The following NRP1 variants were observed in gnomAD, a reference collection of about 807,000 sequenced individuals.
The protein encoded by NRP1 is neuropilin-1.
NRP1 carries 35 observed loss-of-function variants against 106.7 expected under a neutral mutation model. The observed-to-expected ratio is 0.33, with a 90% CI of 0.25 to 0.43. The LOEUF is 0.43. Among genes scored for constraint, NRP1 ranks in the 20% least tolerant of loss-of-function variants. The probability of loss-of-function intolerance (pLI) is 1.00; values close to 1 mark genes in which losing one functional copy is unlikely to be tolerated. For synonymous variants in NRP1, 437 were observed against 417.9 expected (o/e 1.05, Z -0.56); for missense variants, 1,024 against 1,170.4 (o/e 0.87, Z 1.83).
intron 2 of NRP1, among the ~76,000 whole-genome samples, chr10:33,328,016 G>A (rs1848013589): frequency 6.6e-6 from 1 of 151,988 alleles, no homozygotes; most frequent in Non-Finnish European, 1.5e-5. Context: ...TTCACAGAGA[G>A]CAAAGCCTCA....
chr10:33,241,978 G>T (rs973320471), intron 6 of NRP1, among the ~76,000 whole-genome samples: 5 of 152,090 alleles, frequency 3.3e-5, no homozygotes, highest in Non-Finnish European at 7.4e-5. Flanking sequence ...ACACTTTAAA[G>T]AAAGATAACT....
intron 8 of NRP1, 77 bp from the exon 9 acceptor site, chr10:33,213,794 T>C (rs1838527675): frequency 1.8e-6 from 2 of 1,097,616 alleles, no homozygotes; most frequent in African/African-American, 3.2e-5. Context: ...ATACAACATA[T>C]GGAATAAAGA....
intron 5 of NRP1, 35 bp downstream of exon 5, chr10:33,256,281 T>C: frequency 6.2e-7 from 1 of 1,606,218 alleles, no homozygotes; most frequent in Middle Eastern, 1.7e-4. Context: ...ATTGAGTATT[T>C]ACCACAGGGC....
At chr10:33,239,641 C>A (rs1286990942) in intron 6 of NRP1, among the ~76,000 whole-genome samples, 1 of 152,238 alleles carries the variant, frequency 6.6e-6, no homozygotes, top group African/African-American at 2.4e-5. Context: ...TAGGTCCACA[C>A]TGTGTGAAGT....
chr10:33,256,242 G>A, intron 5 of NRP1, 74 bp downstream of exon 5: 1 of 1,449,404 alleles, frequency 6.9e-7, no homozygotes, highest in South Asian at 1.2e-5. Flanking sequence ...AGTGCTTCAT[G>A]TGGCCGCAGG....
At chr10:33,309,950 CTT>C (rs35907466) in intron 2 of NRP1, among the ~76,000 whole-genome samples, 105 of 139,504 alleles carry the variant, frequency 7.5e-4, no homozygotes, top group East Asian at 4.3e-3. Context: ...CTGTATTTGC[CTT>C]TTTTTTTTTT....
chr10:33,200,697 G>C (rs1837230890), intron 11 of NRP1, among the ~76,000 whole-genome samples: 1 of 152,210 alleles, frequency 6.6e-6, no homozygotes, highest in Admixed American at 6.5e-5. Flanking sequence ...ATGCAAAATT[G>C]CTTGTGAGCA....
intron 5 of NRP1, among the ~76,000 whole-genome samples, chr10:33,255,669 C>A (rs1842149379): frequency 6.6e-6 from 1 of 152,176 alleles, no homozygotes; most frequent in African/African-American, 2.4e-5. Flanking sequence ...CAAGGCTGGG[C>A]TCCAACTCCT....
At chr10:33,220,356 A>G (rs997260572) in intron 8 of NRP1, among the ~76,000 whole-genome samples, 15 of 152,198 alleles carry the variant, frequency 9.9e-5, no homozygotes, top group South Asian at 2.1e-4. Context: ...CCCCAAATAC[A>G]TATATAACAT....
At chr10:33,311,519 T>C (rs1167146242) in intron 2 of NRP1, among the ~76,000 whole-genome samples, 1 of 152,204 alleles carries the variant, frequency 6.6e-6, no homozygotes, top group African/African-American at 2.4e-5. Flanking sequence ...CCTGTTTTGT[T>C]CACTGATCTA....
chr10:33,293,582 A>G (rs1845159126), intron 2 of NRP1, among the ~76,000 whole-genome samples: 2 of 152,232 alleles, frequency 1.3e-5, no homozygotes, highest in Non-Finnish European at 2.9e-5. Flanking sequence ...TCACACGACC[A>G]ACCGTCCACA....
At chr10:33,309,155 T>C (rs1161937635) in intron 2 of NRP1, among the ~76,000 whole-genome samples, 2 of 152,234 alleles carry the variant, frequency 1.3e-5, no homozygotes, top group African/African-American at 2.4e-5. Context: ...GCTGCCACTT[T>C]TTCCTCTTGC....
rs1480484289 is a variant in NRP1, at chr10:33,263,700, C to G, written c.604G>C (p.Gly202Arg). ...CGGTCGTAGCGACAGAACATCCCCCCTGGAGGATTTGAGTCAGGCTCCAGG... is the reference window on the plus strand; with the variant it reads ...CGGTCGTAGCGACAGAACATCCCCCGTGGAGGATTTGAGTCAGGCTCCAGG... ...FDLEPDSNPPGGMFCRYDRLE... is the reference protein window; with the variant it reads ...FDLEPDSNPPRGMFCRYDRLE... Residue 202 changes from glycine to arginine, a missense_variant, in exon 4 of 17, where the codon GGG (glycine) becomes CGG (arginine). Gly to Arg is a moderately radical substitution (Grantham distance 125). This residue lies in a region of NRP1 where 279 missense variants were observed against 327.4 expected (regional missense o/e 0.85). Transcript: ENST00000374867. 4.3e-6 allele frequency: 7 copies of G among 1,614,156 alleles called. No individual in the cohort carries two copies. The highest frequency in any genetic ancestry group is 5.9e-6 in the Non-Finnish European group (7 of 1,180,022).
At chr10:33,254,609 ACT>A (rs1266331993) in intron 5 of NRP1, among the ~76,000 whole-genome samples, 1 of 152,068 alleles carries the variant, frequency 6.6e-6, no homozygotes, top group Non-Finnish European at 1.5e-5. Context: ...TTGAAAAAAG[ACT>A]CTATGTCTAG....
intron 2 of NRP1, among the ~76,000 whole-genome samples, chr10:33,273,099 G>A (rs1843429872): frequency 8.3e-6 from 1 of 121,104 alleles, no homozygotes; most frequent in African/African-American, 3.1e-5. Context: ...GGTGAGTGGG[G>A]GGTGGGGGGT....
At chr10:33,254,557 A>G (rs1174218080) in intron 5 of NRP1, among the ~76,000 whole-genome samples, 1 of 152,232 alleles carries the variant, frequency 6.6e-6, no homozygotes, top group Non-Finnish European at 1.5e-5. Flanking sequence ...CATTTAAAAT[A>G]AAATTTTTGT....
chr10:33,203,493 G>GT (rs76558385), intron 10 of NRP1, among the ~76,000 whole-genome samples: 2 of 151,266 alleles, frequency 1.3e-5, no homozygotes, highest in South Asian at 2.1e-4. Flanking sequence ...GTGCAATAGT[G>GT]TTTTTTTAAA....
chr10:33,208,509 G>A (rs553243460), intron 9 of NRP1, among the ~76,000 whole-genome samples: 1 of 152,294 alleles, frequency 6.6e-6, no homozygotes, highest in South Asian at 2.1e-4. Flanking sequence ...AGAAGATGGA[G>A]CAATGACTAG....
At chr10:33,235,885 C>A (rs1840515785) in intron 6 of NRP1, among the ~76,000 whole-genome samples, 1 of 152,292 alleles carries the variant, frequency 6.6e-6, no homozygotes, top group African/African-American at 2.4e-5. Context: ...CCTGTGAAAT[C>A]TTTTCTCCTT....
Sources: gnomAD v4.1 joint callset for allele counts (sites outside exome capture counted in the v4.1 genomes callset) on GRCh38, gnomAD v4.1.1 for gene constraint, gnomAD v4.1.1 regional missense constraint, MANE v1.5 for transcripts, NCBI Gene and HGNC (gene_info 2026-07-23, HGNC 2026-07-21) for gene names.